The following AGPAT4 variants were observed in gnomAD, a reference collection of about 807,000 sequenced individuals.
AGPAT4 encodes 1-acyl-sn-glycerol-3-phosphate acyltransferase delta.
A neutral mutation model predicts 48.0 loss-of-function variants in AGPAT4; 15 were observed. The ratio of observed to expected loss-of-function variants is 0.31; its 90% CI spans 0.21 to 0.48. The LOEUF (loss-of-function observed/expected upper bound fraction) is 0.48, where lower values mean the gene tolerates loss of function less well. Among genes scored for constraint, AGPAT4 ranks in the 20% least tolerant of loss-of-function variants. The pLI, the probability that AGPAT4 is intolerant of heterozygous loss-of-function variation, is 0.99. For synonymous variants in AGPAT4, 178 were observed against 198.7 expected (o/e 0.90, Z 0.88); for missense variants, 314 against 482.5 (o/e 0.65, Z 3.27).
At position 161,161,102 on chromosome 6, in the gene AGPAT4, GCA is replaced by G; in HGVS notation, c.348+5144_348+5145del. ...GCTGTGACCGTTTGCTGAGGGCTGC[GCA>G]CAGAGGAGGAGGAAGCCCCAAGCTT... On this transcript the variant is annotated intron_variant, in intron 3 of 8. Transcript: ENST00000320285. This position sits in a 1 kb window ranked among gnomAD's most constrained non-coding sequence, Gnocchi z 4.6. The G allele has an allele frequency of 4.4e-6, 2 of 456,694 alleles. No individual in the cohort carries two copies. Among genetic ancestry groups the G allele is most frequent in the South Asian group, 1.5e-5 (1 of 64,572 alleles). 28.3% of individuals were successfully genotyped at this position (456,694 alleles called of 1,614,324 possible). A position where few individuals can be genotyped will look rare whatever the true frequency, so the allele number is the denominator to read the frequency against.
At chr6:161,247,471 GC>G (rs1229272890) in intron 1 of AGPAT4, among the ~76,000 whole-genome samples, 1 of 151,940 alleles carries the variant, frequency 6.6e-6, no homozygotes. Context: ...CATTTCAGAG[GC>G]TTTTTTTATT....
chr6:161,147,830 C>T lies in AGPAT4; in HGVS notation c.768-1231G>A, dbSNP rs1478668684. Among the ~76,000 whole-genome samples the T allele has an allele frequency of 6.6e-6, 1 of 152,138 alleles. No individual in the cohort carries two copies. Among genetic ancestry groups the T allele is most frequent in the African/African-American group, 2.4e-5 (1 of 41,434 alleles). On this transcript the variant is annotated intron_variant, in intron 6 of 8. Coordinates refer to ENST00000320285, the MANE Select transcript of AGPAT4 (RefSeq NM_020133.3). The surrounding 1 kb of genome is among the most constrained non-coding windows in gnomAD (Gnocchi z 4.8). ...GCCCTTTTCAGCAACTTGACATTATCGCCCTTGATGTTTCAGTGCTTTGTA... is the reference window on the plus strand; with the variant it reads ...GCCCTTTTCAGCAACTTGACATTATTGCCCTTGATGTTTCAGTGCTTTGTA...
rs1242145600 is a variant in AGPAT4 at position 161,200,260 on chromosome 6, C to T, written c.178+31776G>A. On this transcript the variant is annotated intron_variant, in intron 2 of 8. Coordinates refer to ENST00000320285, the MANE Select transcript of AGPAT4 (RefSeq NM_020133.3). The surrounding 1 kb of genome is among the most constrained non-coding windows in gnomAD (Gnocchi z 5.5). The stretch of plus-strand genomic sequence containing the variant: ...CAGCAGAATAATGCTAATGAGTGAA[C>T]ATTTACCTATTGATTACTCATGTAG... 2.0e-5 allele frequency among the ~76,000 whole-genome samples: 3 copies of T among 152,224 alleles called. No homozygotes were observed. Among genetic ancestry groups the T allele is most frequent in the East Asian group, 1.9e-4 (1 of 5,200 alleles).
At position 161,246,414 on chromosome 6, in the gene AGPAT4, C is replaced by CTT. The variant is rs11433098; in HGVS notation, c.-89-14114_-89-14113dup. On this transcript the variant is annotated intron_variant, in intron 1 of 8. Coordinates refer to ENST00000320285, the MANE Select transcript of AGPAT4 (RefSeq NM_020133.3). This position sits in a 1 kb window ranked among gnomAD's most constrained non-coding sequence, Gnocchi z 5.5. ...CTTCTGAGCATAGGCACAGGGGATT[C>CTT]TTTTTTTTTTTTGAGACAGAGTTTC... 0.073 allele frequency among the ~76,000 whole-genome samples: 10,683 copies of CTT among 146,058 alleles called. 516 individuals carry two copies. The highest frequency in any genetic ancestry group is 0.27 in the East Asian group (1,358 of 5,042).
rs1782063751 is a variant in AGPAT4 at position 161,229,352 on chromosome 6, G to A, written c.178+2684C>T. Among the ~76,000 whole-genome samples, 2 of 152,164 alleles carry A rather than the reference G, an allele frequency of 1.3e-5. No individual in the cohort carries two copies. Among genetic ancestry groups the A allele is most frequent in the South Asian group, 2.1e-4 (1 of 4,834 alleles). ...CATGAACAGTTTCTATCTTAACTCA[G>A]AGGGAAGCAGAGGAGAGTTACAGCA... On this transcript the variant is annotated intron_variant, in intron 2 of 8. Transcript: ENST00000320285. The surrounding 1 kb of genome is among the most constrained non-coding windows in gnomAD (Gnocchi z 6.0).
chr6:161,263,099 G>A lies in AGPAT4; in HGVS notation c.-90+10839C>T, dbSNP rs546712875. On this transcript the variant is annotated intron_variant, in intron 1 of 8. Coordinates refer to ENST00000320285, the MANE Select transcript of AGPAT4 (RefSeq NM_020133.3). ...AAAGAGCAAAGGCAGACATATTCTC[G>A]GCGGCGGTGGGCGGGGTGTTTCTCA... Among the ~76,000 whole-genome samples the A allele has an allele frequency of 5.3e-3, 495 of 93,414 alleles. 1 individual carries two copies. The highest frequency in any genetic ancestry group is 7.1e-3 in the Non-Finnish European group (359 of 50,532). The allele number at this position is 93,414 out of a possible 152,430, so 61.3% of individuals were successfully genotyped here.
At position 161,144,148 on chromosome 6, in the gene AGPAT4, G is replaced by A. The variant is rs118155311; in HGVS notation, c.843+2376C>T. The A allele has an allele frequency of 0.032, 17,180 of 533,268 alleles. 432 individuals carry two copies. The highest frequency in any genetic ancestry group is 0.08 in the Middle Eastern group (251 of 3,148). The allele number at this position is 533,268 out of a possible 1,614,324, so 33.0% of individuals were successfully genotyped here. Reference sequence around the variant, plus strand: ...TGATGTCTATTCACCACTCTGCTTGGAGAAACCATGCACCACTTCCACTTG... The same window carrying A: ...TGATGTCTATTCACCACTCTGCTTGAAGAAACCATGCACCACTTCCACTTG... On this transcript the variant is annotated intron_variant, in intron 7 of 8. Transcript: ENST00000320285. This position sits in a 1 kb window ranked among gnomAD's most constrained non-coding sequence, Gnocchi z 6.6.
rs908827545 is a variant in AGPAT4 at position 161,131,647 on chromosome 6, C to A, written c.*4893G>T. ...TCCCTGTGCTCAGAGAGATGGGACT[C>A]CAATGAGGAGACACACTATGTAGGT... On this transcript the variant is annotated 3_prime_UTR_variant, in exon 9 of 9. Coordinates refer to ENST00000320285, the MANE Select transcript of AGPAT4 (RefSeq NM_020133.3). 1.3e-5 allele frequency: 2 copies of A among 152,134 alleles called. No individual in the cohort carries two copies. Among genetic ancestry groups the A allele is most frequent in the African/African-American group, 4.8e-5 (2 of 41,410 alleles). 9.4% of individuals were successfully genotyped at this position (152,134 alleles called of 1,614,324 possible).
chr6:161,219,169 G>A lies in AGPAT4; in HGVS notation c.178+12867C>T, dbSNP rs965045133. ...ACTATTTCCCCCTTACTTTAAGTGT[G>A]CTATATAAATTCTATCTCCAGTATG... On this transcript the variant is annotated intron_variant, in intron 2 of 8. Transcript: ENST00000320285. The surrounding 1 kb of genome is among the most constrained non-coding windows in gnomAD (Gnocchi z 4.9). 6.6e-6 allele frequency among the ~76,000 whole-genome samples: 1 copy of A among 151,938 alleles called. No individual in the cohort carries two copies. The highest frequency in any genetic ancestry group is 1.5e-5 in the Non-Finnish European group (1 of 67,986).
rs778696843 is a variant in AGPAT4 at position 161,166,939 on chromosome 6, G to C, written c.179-522C>G. Among the ~76,000 whole-genome samples the C allele has an allele frequency of 4.4e-4, 67 of 152,302 alleles. No individual in the cohort carries two copies. The highest frequency in any genetic ancestry group is 3.4e-3 in the Middle Eastern group (1 of 294). The stretch of plus-strand genomic sequence containing the variant: ...AGCACCTGCAGGGCAGCGGGAGTGA[G>C]AGTCAGCCCACAGCAGGTCTGAAGA... On this transcript the variant is annotated intron_variant, in intron 2 of 8. Coordinates refer to ENST00000320285, the MANE Select transcript of AGPAT4 (RefSeq NM_020133.3). This position sits in a 1 kb window ranked among gnomAD's most constrained non-coding sequence, Gnocchi z 6.7.
At chr6:161,167,417 G>A (rs1003986895) in intron 2 of AGPAT4, among the ~76,000 whole-genome samples, 11 of 152,134 alleles carry the variant, frequency 7.2e-5, no homozygotes, top group South Asian at 2.1e-4. Flanking sequence ...TTGTAAAGAC[G>A]CAGTTTTGCC....
rs10499315 is a variant in AGPAT4 at position 161,196,221 on chromosome 6, G to T, written c.179-29804C>A. Among the ~76,000 whole-genome samples, 25,070 of 152,120 alleles carry T rather than the reference G, an allele frequency of 0.16. 3,530 individuals carry two copies. Among genetic ancestry groups the T allele is most frequent in the African/African-American group, 0.39 (16,018 of 41,456 alleles). ...CACTGAGTGGTGACACTTTACCAAA[G>T]AACAGCAATGTTAAGAAAAAGCCAG... On this transcript the variant is annotated intron_variant, in intron 2 of 8. Transcript: ENST00000320285. The surrounding 1 kb of genome is among the most constrained non-coding windows in gnomAD (Gnocchi z 4.3).
At position 161,215,773 on chromosome 6, in the gene AGPAT4, A is replaced by G. The variant is rs1781629889; in HGVS notation, c.178+16263T>C. ...GTTTCCTGTTGATAGCTCAAACTCT[A>G]AAAGTCCTACCAGCCACCAACCCAT... is the stretch of plus-strand genomic sequence containing the variant. On this transcript the variant is annotated intron_variant, in intron 2 of 8. Coordinates refer to ENST00000320285, the MANE Select transcript of AGPAT4 (RefSeq NM_020133.3). This position sits in a 1 kb window ranked among gnomAD's most constrained non-coding sequence, Gnocchi z 4.5. 6.6e-6 allele frequency among the ~76,000 whole-genome samples: 1 copy of G among 152,166 alleles called. No homozygotes were observed. Among genetic ancestry groups the G allele is most frequent in the African/African-American group, 2.4e-5 (1 of 41,440 alleles).
intron 2 of AGPAT4, among the ~76,000 whole-genome samples, chr6:161,203,848 T>G (rs1781310095): frequency 6.6e-6 from 1 of 152,172 alleles, no homozygotes; most frequent in Non-Finnish European, 1.5e-5. Context: ...TCTCCACCCC[T>G]TGTAGAGTTT....
rs1409838254 is a variant in AGPAT4 at position 161,131,774 on chromosome 6, G to A, written c.*4766C>T. On this transcript the variant is annotated 3_prime_UTR_variant, in exon 9 of 9. Coordinates refer to ENST00000320285, the MANE Select transcript of AGPAT4 (RefSeq NM_020133.3). ...CAGTTGGTGATGAATGCTGTGAATG[G>A]TATTGAATGTCCTGGACCAAGAGGA... 1 of 152,240 alleles carries A rather than the reference G, an allele frequency of 6.6e-6. No individual in the cohort carries two copies. Among genetic ancestry groups the A allele is most frequent in the Non-Finnish European group, 1.5e-5 (1 of 68,040 alleles). The allele number at this position is 152,240 out of a possible 1,614,324, so 9.4% of individuals were successfully genotyped here. A position where few individuals can be genotyped will look rare whatever the true frequency, so the allele number is the denominator to read the frequency against.
rs1780475684 is a variant in AGPAT4 at position 161,178,056 on chromosome 6, C to A, written c.179-11639G>T. On this transcript the variant is annotated intron_variant, in intron 2 of 8. Transcript: ENST00000320285. This position sits in a 1 kb window ranked among gnomAD's most constrained non-coding sequence, Gnocchi z 5.1. ...CCTGACTGTATGTGGTGTCAAATGG[C>A]CCCTACTGGGAGGTGTCTCCCAGTT... 6.6e-6 allele frequency among the ~76,000 whole-genome samples: 1 copy of A among 152,210 alleles called. No individual in the cohort carries two copies. Among genetic ancestry groups the A allele is most frequent in the Admixed American group, 6.5e-5 (1 of 15,284 alleles).
chr6:161,205,592 A>G (rs1781358002), intron 2 of AGPAT4, among the ~76,000 whole-genome samples: 1 of 152,160 alleles, frequency 6.6e-6, no homozygotes, highest in Non-Finnish European at 1.5e-5. Context: ...AACATCAACT[A>G]GATAAATACC....
At chr6:161,250,437 G>A (rs1003816120) in intron 1 of AGPAT4, among the ~76,000 whole-genome samples, 3 of 151,978 alleles carry the variant, frequency 2.0e-5, no homozygotes, top group Admixed American at 1.3e-4. Context: ...ATATTCAGTT[G>A]CCATATTAGA....
chr6:161,210,514 A>G (rs957273329), intron 2 of AGPAT4, among the ~76,000 whole-genome samples: 1 of 152,214 alleles, frequency 6.6e-6, no homozygotes, highest in Non-Finnish European at 1.5e-5. Flanking sequence ...CTGAAAATAT[A>G]TAAAGAGTTC....
Sources: allele counts gnomAD v4.1 joint callset (sites outside exome capture counted in the v4.1 genomes callset), GRCh38; gene constraint gnomAD v4.1.1; non-coding constraint Gnocchi (gnomAD v3.1); transcripts MANE v1.5; gene names NCBI Gene and HGNC (gene_info 2026-07-23, HGNC 2026-07-21).